Variants in EVL observed in about 807,000 individuals in gnomAD.
The protein encoded by EVL is Enah/Vasp-like, also known as ena/VASP-like protein.
In EVL, 21 loss-of-function variants were observed where a neutral mutation model predicts 59.6. The observed-to-expected ratio is 0.35, with a 90% CI of 0.25 to 0.51. EVL has a LOEUF of 0.51. EVL is among the 20% of genes least tolerant of loss of function. The probability of loss-of-function intolerance (pLI) is 0.97; values close to 1 mark genes in which losing one functional copy is unlikely to be tolerated. For synonymous variants in EVL, 198 were observed against 203.5 expected, an observed-to-expected ratio of 0.97 and a Z score of 0.23; for missense variants, 462 against 546.6, an observed-to-expected ratio of 0.85 and a Z score of 1.54.
intron 1 of EVL, among the ~76,000 whole-genome samples, chr14:100,037,623 T>C (rs139485838): frequency 2.6e-5 from 4 of 152,314 alleles, no homozygotes; most frequent in African/African-American, 7.2e-5. Context: ...AATGTACAAA[T>C]AAAATATAGA....
chr14:100,132,348 A>G (rs1223085532), intron 7 of EVL, among the ~76,000 whole-genome samples: 1 of 151,846 alleles, frequency 6.6e-6, no homozygotes, highest in Non-Finnish European at 1.5e-5. Context: ...ACTGCAGCCC[A>G]GAGAGATGCC....
chr14:100,102,687 A>T (rs575441711), intron 3 of EVL, among the ~76,000 whole-genome samples: 2 of 152,100 alleles, frequency 1.3e-5, no homozygotes, highest in Non-Finnish European at 2.9e-5. Flanking sequence ...TTTTTCTCCC[A>T]TGCTGGCCCC....
At chr14:100,020,121 T>C (rs1367965678) in intron 1 of EVL, among the ~76,000 whole-genome samples, 1 of 152,252 alleles carries the variant, frequency 6.6e-6, no homozygotes, top group Admixed American at 6.5e-5. Context: ...TACAAGTCTG[T>C]CTGCATAGTT....
intron 1 of EVL, among the ~76,000 whole-genome samples, chr14:100,034,099 G>A (rs1485975982): frequency 6.6e-6 from 1 of 151,772 alleles, no homozygotes; most frequent in Non-Finnish European, 1.5e-5. Flanking sequence ...AAACAGGCGT[G>A]GTGATGGGTG....
intron 1 of EVL, among the ~76,000 whole-genome samples, chr14:100,056,436 TA>T (rs2061734721): frequency 6.6e-6 from 1 of 152,200 alleles, no homozygotes; most frequent in African/African-American, 2.4e-5. Context: ...TACTCTCACT[TA>T]ATGTTTTAAG....
At chr14:100,082,755 A>G (rs528635689) in intron 1 of EVL, among the ~76,000 whole-genome samples, 25 of 152,380 alleles carry the variant, frequency 1.6e-4, no homozygotes, top group African/African-American at 5.8e-4. Flanking sequence ...GAGAAAGGCC[A>G]GGAAGGATGG....
At chr14:99,975,663 G>A (rs982172761) in intron 1 of EVL, among the ~76,000 whole-genome samples, 1 of 152,112 alleles carries the variant, frequency 6.6e-6, no homozygotes, top group African/African-American at 2.4e-5. Flanking sequence ...TTCACAATAG[G>A]GTTCACGCTT....
intron 1 of EVL, among the ~76,000 whole-genome samples, chr14:100,005,193 G>A (rs1410625829): frequency 6.6e-6 from 1 of 152,168 alleles, no homozygotes; most frequent in Non-Finnish European, 1.5e-5. Flanking sequence ...CTAACTTTGG[G>A]AGGAACTTAG....
intron 3 of EVL, among the ~76,000 whole-genome samples, chr14:100,102,782 C>T (rs551369724): frequency 1.3e-5 from 2 of 152,306 alleles, no homozygotes; most frequent in South Asian, 2.1e-4. Context: ...CACCCACCAT[C>T]ATACTGTCAC....
At chr14:100,075,466 C>T (rs913689426) in intron 1 of EVL, among the ~76,000 whole-genome samples, 1 of 152,220 alleles carries the variant, frequency 6.6e-6, no homozygotes, top group Non-Finnish European at 1.5e-5. Flanking sequence ...CTCAGTCTGG[C>T]TGTGTTTCTG....
At chr14:99,994,202 G>C (rs2060897142) in intron 1 of EVL, among the ~76,000 whole-genome samples, 1 of 141,642 alleles carries the variant, frequency 7.1e-6, no homozygotes. Flanking sequence ...CATATAGTTG[G>C]ATTCTGGTTT....
intron 1 of EVL, among the ~76,000 whole-genome samples, chr14:100,077,951 ATT>A (rs1351497853): frequency 6.6e-6 from 1 of 150,656 alleles, no homozygotes; most frequent in African/African-American, 2.5e-5. Context: ...TTTTTTTTGT[ATT>A]TTTAGTAGAG....
chr14:100,071,852 G>C (rs1000074401), intron 1 of EVL, among the ~76,000 whole-genome samples: 1 of 152,142 alleles, frequency 6.6e-6, no homozygotes. Flanking sequence ...TGGTGGGATC[G>C]TGGGAACCTA....
intron 1 of EVL, among the ~76,000 whole-genome samples, chr14:100,038,779 T>G (rs1595601214): frequency 6.6e-6 from 1 of 150,556 alleles, no homozygotes; most frequent in Non-Finnish European, 1.5e-5. Context: ...GGGGTGTGTG[T>G]GTGTGTGTGT....
chr14:100,137,914 T>C (rs769170221), intron 11 of EVL, 112 bp downstream of exon 11: 1 of 1,096,934 alleles, frequency 9.1e-7, no homozygotes. Context: ...TTTAACAACT[T>C]GCTCTGCGAA....
chr14:100,093,202 T>C (rs550192070), intron 2 of EVL, among the ~76,000 whole-genome samples: 5 of 152,382 alleles, frequency 3.3e-5, no homozygotes, highest in African/African-American at 1.2e-4. Flanking sequence ...TCTCCTGTTT[T>C]AGAAGTCAAT....
chr14:100,090,929 T>C (rs2062550302), intron 2 of EVL, among the ~76,000 whole-genome samples: 1 of 152,202 alleles, frequency 6.6e-6, no homozygotes, highest in Non-Finnish European at 1.5e-5. Context: ...CCATCTCGCA[T>C]TGCAGATGAC....
At chr14:100,026,622 G>C (rs1858315949) in intron 1 of EVL, among the ~76,000 whole-genome samples, 2 of 152,122 alleles carry the variant, frequency 1.3e-5, no homozygotes, top group Non-Finnish European at 2.9e-5. Flanking sequence ...AGTTCCCACG[G>C]CTCTTCCATC....
intron 2 of EVL, among the ~76,000 whole-genome samples, chr14:100,093,807 G>C (rs1396737288): frequency 1.3e-5 from 2 of 152,172 alleles, no homozygotes; most frequent in Non-Finnish European, 1.5e-5. Flanking sequence ...CCACTTAGCT[G>C]TGGCTTTGCT....
Sources: allele counts gnomAD v4.1 joint callset (sites outside exome capture counted in the v4.1 genomes callset), GRCh38; gene constraint gnomAD v4.1.1; transcripts MANE v1.5; gene names NCBI Gene and HGNC (gene_info 2026-07-23, HGNC 2026-07-21).